Variants in GKN2 observed in about 807,000 individuals in gnomAD.
GKN2 encodes the protein gastrokine-2.
In GKN2, 17 loss-of-function variants were observed where a neutral mutation model predicts 22.7. That is an observed-to-expected ratio of 0.75 (90% CI 0.51 to 1.13). GKN2 has a LOEUF of 1.13. GKN2 is among the 50% of genes most tolerant of loss of function. The pLI, the probability that GKN2 is intolerant of heterozygous loss-of-function variation, is 0.00. For synonymous variants in GKN2, 82 were observed against 79.6 expected (o/e 1.03, Z -0.16); for missense variants, 248 against 221.4 (o/e 1.12, Z -0.76).
chr2:68,945,721 C>T, intron 5 of GKN2: 1 of 296,258 alleles, frequency 3.4e-6, no homozygotes. Flanking sequence ...TGAGAAATTT[C>T]CTTTGTTGTG....
intron 3 of GKN2, among the ~76,000 whole-genome samples, chr2:68,948,249 A>C (rs910248456): frequency 1.0e-4 from 5 of 49,808 alleles, no homozygotes; most frequent in Admixed American, 8.8e-4. Context: ...CCGTCAAAAA[A>C]AAAAAACAAA....
rs1375224888 is a variant in GKN2 at position 68,952,843 on chromosome 2, TACTC to T, written c.12+3_12+6del. ...AAGAGTATCAAGAAGCAGAAACAAA[TACTC>T]ACAAGTATTTTCATTTTGCCTGGGA... is the stretch of plus-strand genomic sequence containing the variant. On this transcript the variant is annotated splice_donor_5th_base_variant and intron_variant, in intron 1 of 5. Coordinates refer to ENST00000328895, the MANE Select transcript of GKN2 (RefSeq NM_182536.3). 2 of 1,613,908 alleles carry T rather than the reference TACTC, an allele frequency of 1.2e-6. No individual in the cohort carries two copies.
chr2:68,948,435 C>T (rs183610498), intron 3 of GKN2, among the ~76,000 whole-genome samples: 412 of 152,262 alleles, frequency 2.7e-3, no homozygotes, highest in Middle Eastern at 3.4e-3. Context: ...ACTTCCACCG[C>T]TGCAGAAAGT....
At position 68,947,357 on chromosome 2, in the gene GKN2, A is replaced by G. The variant is rs776391036; in HGVS notation, c.205-100T>C. 8.1e-6 allele frequency: 6 copies of G among 743,550 alleles called. No individual in the cohort carries two copies. The East Asian group carries it at 1.0e-4, about 12-fold the overall frequency. The allele number at this position is 743,550 out of a possible 1,614,324, so 46.1% of individuals were successfully genotyped here. On this transcript the variant is annotated intron_variant, in intron 3 of 5. Coordinates refer to ENST00000328895, the MANE Select transcript of GKN2 (RefSeq NM_182536.3). ...CCTCGGAAGAAAGACTTGAACATGC[A>G]CAGTGAATATATGGTGGGATTGCTC...
rs1264789306 is a variant in GKN2, at chr2:68,945,542, AC to A, written c.473-93del. 1.1e-5 allele frequency: 11 copies of A among 1,004,036 alleles called. No individual in the cohort carries two copies. In the Admixed American group the frequency reaches 1.9e-4, roughly 17 times the overall value. 62.2% of individuals were successfully genotyped at this position (1,004,036 alleles called of 1,614,324 possible). ...TAATACATTAGCTTAAATAAAACTG[AC>A]AACTTTTGGAAGTGCTGGTTGGCTC... On this transcript the variant is annotated intron_variant, in intron 5 of 5. Coordinates refer to ENST00000328895, the MANE Select transcript of GKN2 (RefSeq NM_182536.3).
rs1669746582 is a variant in GKN2, at chr2:68,945,250, A to G, written c.*118T>C. On this transcript the variant is annotated 3_prime_UTR_variant, in exon 6 of 6. Transcript: ENST00000328895. ...CAAAAAATCTATAAATACAGCATTT[A>G]TATTTTCTGACTGAATCTCAAAATT... 2.7e-6 allele frequency: 2 copies of G among 741,412 alleles called. No homozygotes were observed. Among genetic ancestry groups the G allele is most frequent in the Non-Finnish European group, 4.4e-6 (2 of 452,442 alleles). 45.9% of individuals were successfully genotyped at this position (741,412 alleles called of 1,614,324 possible).
chr2:68,950,353 A>G (rs1381454705), intron 2 of GKN2, 90 bp from the exon 3 acceptor site: 13 of 1,307,110 alleles, frequency 9.9e-6, no homozygotes, highest in Non-Finnish European at 1.4e-5. Context: ...GCTGCCTGCT[A>G]TGAACAAGGG....
chr2:68,948,302 T>C (rs1669802541), intron 3 of GKN2, among the ~76,000 whole-genome samples: 1 of 151,314 alleles, frequency 6.6e-6, no homozygotes, highest in South Asian at 2.1e-4. Flanking sequence ...ATTAGCTATA[T>C]GCCACTATCT....
intron 1 of GKN2, among the ~76,000 whole-genome samples, chr2:68,951,152 A>ATAAT (rs779104924): frequency 4.6e-5 from 7 of 152,156 alleles, no homozygotes; most frequent in South Asian, 2.1e-4. Context: ...CTCTAAAAAA[A>ATAAT]TAATTAATTA....
rs562783154 is a variant in GKN2, at chr2:68,948,181, G to C, written c.205-924C>G. On this transcript the variant is annotated intron_variant, in intron 3 of 5. Coordinates refer to ENST00000328895, the MANE Select transcript of GKN2 (RefSeq NM_182536.3). ...GAATGGCATGAACCCGGGAGGTGGA[G>C]CTTGCAGTGAGCCAAGATCACACCA... 3.4e-5 allele frequency among the ~76,000 whole-genome samples: 5 copies of C among 147,934 alleles called. No homozygotes were observed. In the East Asian group the frequency reaches 6.1e-4, roughly 18 times the overall value.
At chr2:68,947,503 C>A (rs191498430) in intron 3 of GKN2, among the ~76,000 whole-genome samples, 145 of 152,314 alleles carry the variant, frequency 9.5e-4, no homozygotes, top group African/African-American at 3.3e-3. Context: ...CTTTTCATGT[C>A]ATGGAACCAG....
intron 4 of GKN2, 131 bp from the exon 5 acceptor site, chr2:68,946,591 T>C: frequency 2.9e-6 from 2 of 699,230 alleles, no homozygotes; most frequent in East Asian, 2.8e-5. Context: ...CAAGACATCA[T>C]CTCTTTTTGA....
Position 68,950,205 on chromosome 2 carries a change from A to G in GKN2, c.125T>C (p.Ile42Thr), listed in dbSNP as rs1053600005. The change falls in exon 3 of 6, where the codon ATT becomes ACT. Residue 42 changes from isoleucine (I) to threonine (T), a missense_variant. Coordinates refer to ENST00000328895, the MANE Select transcript of GKN2 (RefSeq NM_182536.3). ...NGGNVQETVT[I>T]DNEKNTAIIN... ...GATGGCGGTATTTTTTTCATTATCAATTGTCACTGTCTCCTGAACATTGCC... is the reference window on the plus strand; with the variant it reads ...GATGGCGGTATTTTTTTCATTATCAGTTGTCACTGTCTCCTGAACATTGCC... 3 of 1,613,904 alleles carry G rather than the reference A, an allele frequency of 1.9e-6. No homozygotes were observed. Among genetic ancestry groups the G allele is most frequent in the Non-Finnish European group, 2.5e-6 (3 of 1,179,794 alleles).
intron 5 of GKN2, chr2:68,945,671 T>C: frequency 2.4e-6 from 1 of 410,140 alleles, no homozygotes; most frequent in Non-Finnish European, 4.4e-6. Flanking sequence ...AGTAGATATA[T>C]AATAAACATA....
At chr2:68,946,856 A>G (rs960264817) in intron 4 of GKN2, among the ~76,000 whole-genome samples, 4 of 152,182 alleles carry the variant, frequency 2.6e-5, no homozygotes, top group African/African-American at 9.7e-5. Flanking sequence ...CATTTCTCAT[A>G]GCCCTGCTCT....
chr2:68,946,397 T>C lies in GKN2; in HGVS notation c.379A>G (p.Ile127Val), dbSNP rs781685511. ...AGCAGGAACCAATCCACGTCTTTGATCAGAGACTCCAGAGGGTTGTACTTG... is the reference window on the plus strand; with the variant it reads ...AGCAGGAACCAATCCACGTCTTTGACCAGAGACTCCAGAGGGTTGTACTTG... ...WVKYNPLESLIKDVDWFLLGS... is the reference protein window; with the variant it reads ...WVKYNPLESLVKDVDWFLLGS... Residue 127 changes from isoleucine to valine, a missense_variant, in exon 5 of 6, where the codon ATC becomes GTC. Physicochemically the swap from Ile to Val is conservative, Grantham distance 29 (BLOSUM62 3). Coordinates refer to ENST00000328895, the MANE Select transcript of GKN2 (RefSeq NM_182536.3). The C allele has an allele frequency of 6.2e-7, 1 of 1,614,026 alleles. No homozygotes were observed. Among genetic ancestry groups the C allele is most frequent in the Non-Finnish European group, 8.5e-7 (1 of 1,179,950 alleles).
At chr2:68,946,204 G>C (rs948974164) in intron 5 of GKN2, 100 bp downstream of exon 5, 2 of 1,006,972 alleles carry the variant, frequency 2.0e-6, no homozygotes, top group Non-Finnish European at 2.9e-6. Flanking sequence ...ACTGAGTACT[G>C]TTCCCATTTA....
rs1573727120 is a variant in GKN2, at chr2:68,947,065, C to G, written c.315+82G>C. The stretch of plus-strand genomic sequence containing the variant: ...GTAAGGCATGATAGTATGATCTTCT[C>G]CCTCACACTCTTCATTTCTCCATAA... On this transcript the variant is annotated intron_variant, in intron 4 of 5. Coordinates refer to ENST00000328895, the MANE Select transcript of GKN2 (RefSeq NM_182536.3). 4.8e-6 allele frequency: 4 copies of G among 829,988 alleles called. No homozygotes were observed. The East Asian group carries it at 9.7e-5, about 20-fold the overall frequency. The allele number at this position is 829,988 out of a possible 1,614,324, so 51.4% of individuals were successfully genotyped here. A position where few individuals can be genotyped will look rare whatever the true frequency, so the allele number is the denominator to read the frequency against.
At chr2:68,951,145 T>C (rs1381528353) in intron 1 of GKN2, among the ~76,000 whole-genome samples, 1 of 152,080 alleles carries the variant, frequency 6.6e-6, no homozygotes, top group Non-Finnish European at 1.5e-5. Flanking sequence ...TTGTGTCCTC[T>C]AAAAAAATAA....
Sources: allele counts gnomAD v4.1 joint callset (sites outside exome capture counted in the v4.1 genomes callset), GRCh38; gene constraint gnomAD v4.1.1; transcripts MANE v1.5; gene names NCBI Gene and HGNC (gene_info 2026-07-23, HGNC 2026-07-21).